MTNAP1: variants seen among roughly 807,000 people sequenced by gnomAD.
The protein encoded by MTNAP1 is mitochondrial nucleoid associated protein 1.
chr17:73,233,633 G>A, the MTNAP1 span, among the ~76,000 whole-genome samples: 1 of 152,236 alleles, frequency 6.6e-6, no homozygotes, highest in Non-Finnish European at 1.5e-5. Context: ...GGAGGCCGAG[G>A]CGGGTGGATC....
the MTNAP1 span, among the ~76,000 whole-genome samples, chr17:73,238,664 G>C: frequency 2.0e-5 from 3 of 152,194 alleles, no homozygotes; most frequent in African/African-American, 4.8e-5. Flanking sequence ...GTGGTTTTCA[G>C]AGTGCCTCCA....
At chr17:73,242,310 C>G in the MTNAP1 span, 29 of 1,605,558 alleles carry the variant, frequency 1.8e-5, no homozygotes, top group Non-Finnish European at 2.4e-5. Context: ...CTTACAACCT[C>G]CAACTTCTCT....
At chr17:73,247,154 TTC>T in the MTNAP1 span, 7 of 1,218,126 alleles carry the variant, frequency 5.7e-6, no homozygotes, top group Non-Finnish European at 8.4e-6. Flanking sequence ...CCATGGCTGT[TTC>T]ACACAACAAC....
At chr17:73,242,885 C>CT in the MTNAP1 span, 1 of 1,605,838 alleles carries the variant, frequency 6.2e-7, no homozygotes, top group Non-Finnish European at 8.5e-7. Flanking sequence ...GCCGTGTTTC[C>CT]TTTTGAACAG....
At chr17:73,235,221 AAAATAAAT>A in the MTNAP1 span, among the ~76,000 whole-genome samples, 8 of 152,086 alleles carry the variant, frequency 5.3e-5, no homozygotes, top group African/African-American at 1.2e-4. Flanking sequence ...CTCTGTTTCC[AAAATAAAT>A]AAATAAATAA....
the MTNAP1 span, among the ~76,000 whole-genome samples, chr17:73,240,293 A>G: frequency 6.6e-6 from 1 of 152,244 alleles, no homozygotes; most frequent in Non-Finnish European, 1.5e-5. Flanking sequence ...TCAAGACAGT[A>G]AATAAGGTGT....
the MTNAP1 span, chr17:73,235,604 T>C: frequency 6.2e-7 from 1 of 1,613,744 alleles, no homozygotes; most frequent in Non-Finnish European, 8.5e-7. Context: ...GATCAAAAAG[T>C]TTATCAGTCC....
chr17:73,246,636 T>TA, the MTNAP1 span, among the ~76,000 whole-genome samples: 1 of 152,198 alleles, frequency 6.6e-6, no homozygotes, highest in Non-Finnish European at 1.5e-5. Flanking sequence ...GGCTACTTTT[T>TA]ACCTACCTTT....
At chr17:73,244,573 A>AAC in the MTNAP1 span, 1 of 151,610 alleles carries the variant, frequency 6.6e-6, no homozygotes, top group East Asian at 1.9e-4. Flanking sequence ...AAAAAAAAAA[A>AAC]AAAAAAAAAA....
chr17:73,244,455 C>G, the MTNAP1 span: 1 of 144,058 alleles, frequency 6.9e-6, no homozygotes, highest in South Asian at 2.3e-4. Context: ...CCCAGCTACT[C>G]GGGAGGCTGA....
At chr17:73,236,446 A>G in the MTNAP1 span, 1 of 1,614,180 alleles carries the variant, frequency 6.2e-7, no homozygotes, top group African/African-American at 1.3e-5. Flanking sequence ...TGCAACAGAA[A>G]AGCAGGAACG....
At chr17:73,248,492 G>A in the MTNAP1 span, 2 of 1,551,590 alleles carry the variant, frequency 1.3e-6, no homozygotes, top group African/African-American at 2.7e-5. Context: ...AAGAAGCAAC[G>A]CTTAGATCTT....
the MTNAP1 span, chr17:73,232,841 G>T: frequency 1.3e-5 from 2 of 152,938 alleles, no homozygotes; most frequent in African/African-American, 4.8e-5. Flanking sequence ...GGCCGGCGGA[G>T]GGTCTTCCTG....
the MTNAP1 span, among the ~76,000 whole-genome samples, chr17:73,234,573 C>G: frequency 6.6e-6 from 1 of 151,872 alleles, no homozygotes; most frequent in Admixed American, 6.6e-5. Flanking sequence ...TGCCTGTAGT[C>G]CCAGCTCCTC....
the MTNAP1 span, chr17:73,236,989 T>C: frequency 4.5e-5 from 71 of 1,560,644 alleles, no homozygotes; most frequent in East Asian, 7.0e-4. Context: ...GGAAAGACTC[T>C]CACAAGGTAA....
chr17:73,241,539 C>T, the MTNAP1 span, among the ~76,000 whole-genome samples: 1,924 of 152,226 alleles, frequency 0.013, 35 homozygotes, highest in African/African-American at 0.044. Flanking sequence ...CCAATAATAG[C>T]GATAGGGTGA....
At chr17:73,242,513 A>G in the MTNAP1 span, among the ~76,000 whole-genome samples, 1 of 151,512 alleles carries the variant, frequency 6.6e-6, no homozygotes, top group Non-Finnish European at 1.5e-5. Context: ...TTGGAGTTGG[A>G]CATAATTGAA....
At chr17:73,245,789 TATA>T in the MTNAP1 span, 1 of 847,378 alleles carries the variant, frequency 1.2e-6, no homozygotes, top group African/African-American at 1.8e-5. Context: ...GCACACTAAC[TATA>T]ATGTTAAATC....
the MTNAP1 span, chr17:73,242,890 G>T: frequency 6.2e-7 from 1 of 1,609,110 alleles, no homozygotes; most frequent in South Asian, 1.1e-5. Flanking sequence ...GTTTCCTTTT[G>T]AACAGGCTGG....
Sources: gnomAD v4.1 joint callset for allele counts (sites outside exome capture counted in the v4.1 genomes callset) on GRCh38, gnomAD v4.1.1 for gene constraint, MANE v1.5 for transcripts, NCBI Gene and HGNC (gene_info 2026-07-23, HGNC 2026-07-21) for gene names.